Variants in JMJD1C observed in about 807,000 individuals in gnomAD.
JMJD1C encodes the protein jumonji domain-containing protein 1C.
A neutral mutation model predicts 245.3 loss-of-function variants in JMJD1C; 31 were observed. That is an observed-to-expected ratio of 0.13 (90% CI 0.09 to 0.17). The LOEUF (loss-of-function observed/expected upper bound fraction) is 0.17. JMJD1C is among the 10% of genes least tolerant of loss of function. JMJD1C has a pLI of 1.00. For synonymous variants in JMJD1C, 1,057 were observed against 1,017.4 expected, an observed-to-expected ratio of 1.04 and a Z score of -0.74; for missense variants, 2,691 against 3,000.2, an observed-to-expected ratio of 0.90 and a Z score of 2.41.
At chr10:63,383,419 C>G (rs7912506) in intron 1 of JMJD1C, among the ~76,000 whole-genome samples, 1 of 152,248 alleles carries the variant, frequency 6.6e-6, no homozygotes, top group South Asian at 2.1e-4. Context: ...TAAAACCCAT[C>G]GTTAAGGGTA....
chr10:63,472,169 AATAG>A (rs1564956640), intron 1 of JMJD1C, among the ~76,000 whole-genome samples: 2 of 151,938 alleles, frequency 1.3e-5, no homozygotes, highest in Admixed American at 6.6e-5. Flanking sequence ...CTTCATCTAT[AATAG>A]ATAAAAATCC....
At chr10:63,493,934 G>A (rs948584735) in intron 1 of JMJD1C, among the ~76,000 whole-genome samples, 2 of 152,188 alleles carry the variant, frequency 1.3e-5, no homozygotes, top group African/African-American at 4.8e-5. Flanking sequence ...CAAAGAGAGA[G>A]AGAAACCATG....
At chr10:63,179,691 T>C (rs1413535376) in intron 22 of JMJD1C, among the ~76,000 whole-genome samples, 2 of 151,764 alleles carry the variant, frequency 1.3e-5, no homozygotes, top group Non-Finnish European at 2.9e-5. Context: ...GAGGATCTTT[T>C]GAGTCCAGGA....
chr10:63,305,629 C>CGTGCGTGTGT (rs1554880824), intron 2 of JMJD1C, among the ~76,000 whole-genome samples: 6 of 121,682 alleles, frequency 4.9e-5, no homozygotes, highest in Non-Finnish European at 8.7e-5. Flanking sequence ...ACCATGCTGG[C>CGTGCGTGTGT]GTGTGTGTGT....
intron 1 of JMJD1C, among the ~76,000 whole-genome samples, chr10:63,458,499 G>C (rs1952562603): frequency 1.4e-5 from 2 of 148,128 alleles, no homozygotes. Flanking sequence ...AAAAAAAAAA[G>C]TCTGCTAAAA....
chr10:63,453,502 A>G (rs375589244), intron 1 of JMJD1C, among the ~76,000 whole-genome samples: 5 of 152,236 alleles, frequency 3.3e-5, no homozygotes, highest in East Asian at 3.8e-4. Flanking sequence ...TATTCCTAAA[A>G]TATAGCAAAA....
At chr10:63,364,724 T>A (rs1244526264) in intron 2 of JMJD1C, among the ~76,000 whole-genome samples, 1 of 152,130 alleles carries the variant, frequency 6.6e-6, no homozygotes, top group African/African-American at 2.4e-5. Flanking sequence ...TGGACTCAAG[T>A]GATTTGCCTG....
chr10:63,427,772 T>C, intron 1 of JMJD1C: 1 of 1,349,980 alleles, frequency 7.4e-7, no homozygotes, highest in South Asian at 1.2e-5. Context: ...ACCAAGACTA[T>C]GAAGGGTTTT....
At chr10:63,291,929 T>C (rs1441688745) in intron 2 of JMJD1C, among the ~76,000 whole-genome samples, 2 of 152,010 alleles carry the variant, frequency 1.3e-5, no homozygotes, top group Non-Finnish European at 2.9e-5. Context: ...GAGAAATGTG[T>C]GTGTGCATGT....
At chr10:63,520,255 G>T (rs1272933949) in intron 1 of JMJD1C, among the ~76,000 whole-genome samples, 1 of 152,066 alleles carries the variant, frequency 6.6e-6, no homozygotes. Flanking sequence ...CCCTTGAAAG[G>T]CAAGAGACAG....
intron 24 of JMJD1C, among the ~76,000 whole-genome samples, chr10:63,174,863 A>C (rs982042479): frequency 5.3e-5 from 8 of 152,028 alleles, no homozygotes; most frequent in Admixed American, 3.3e-4. Flanking sequence ...AAACAAAAAA[A>C]AAAACTGCAA....
At chr10:63,449,273 CTA>C (rs1951893520) in intron 1 of JMJD1C, among the ~76,000 whole-genome samples, 1 of 151,998 alleles carries the variant, frequency 6.6e-6, no homozygotes, top group Non-Finnish European at 1.5e-5. Context: ...GGTACACAAT[CTA>C]AAAGTGAAAT....
chr10:63,460,528 T>A (rs1589791215), intron 1 of JMJD1C, among the ~76,000 whole-genome samples: 1 of 151,888 alleles, frequency 6.6e-6, no homozygotes. Context: ...CAAAAAAGAG[T>A]AAATAGTAAT....
At chr10:63,502,494 C>A (rs936724188) in intron 1 of JMJD1C, among the ~76,000 whole-genome samples, 4 of 151,974 alleles carry the variant, frequency 2.6e-5, no homozygotes, top group African/African-American at 9.7e-5. Flanking sequence ...AAAAATTAGC[C>A]GGGCATGGTG....
intron 1 of JMJD1C, among the ~76,000 whole-genome samples, chr10:63,486,904 T>C (rs1419023778): frequency 6.6e-6 from 1 of 152,184 alleles, no homozygotes; most frequent in African/African-American, 2.4e-5. Context: ...GTACCTTACA[T>C]GATTTCTATC....
intron 2 of JMJD1C, among the ~76,000 whole-genome samples, chr10:63,313,220 T>C (rs1388526401): frequency 6.6e-6 from 1 of 152,210 alleles, no homozygotes; most frequent in African/African-American, 2.4e-5. Flanking sequence ...ATTCCTGAGT[T>C]ACTTCACTTA....
chr10:63,241,725 C>T (rs1851505448), intron 3 of JMJD1C, among the ~76,000 whole-genome samples: 1 of 152,194 alleles, frequency 6.6e-6, no homozygotes, highest in Non-Finnish European at 1.5e-5. Flanking sequence ...CATAGTACTA[C>T]TGTCTTCTAA....
chr10:63,362,236 A>T (rs940044891), intron 2 of JMJD1C, among the ~76,000 whole-genome samples: 1 of 60,272 alleles, frequency 1.7e-5, no homozygotes, highest in African/African-American at 3.5e-5. Flanking sequence ...CTGCATCTCT[A>T]AAAAAAAAAA....
chr10:63,202,544 T>C, intron 10 of JMJD1C: 1 of 985,444 alleles, frequency 1.0e-6, no homozygotes, highest in Non-Finnish European at 1.2e-6. Context: ...AGTGACCCAT[T>C]TGAAATCAGG....
Sources: gnomAD v4.1 joint callset for allele counts (sites outside exome capture counted in the v4.1 genomes callset) on GRCh38, gnomAD v4.1.1 for gene constraint, MANE v1.5 for transcripts, NCBI Gene and HGNC (gene_info 2026-07-23, HGNC 2026-07-21) for gene names.